The following FBXL17 variants were observed in gnomAD, a reference collection of about 807,000 sequenced individuals.
FBXL17 encodes F-box and leucine rich repeat protein 17.
In FBXL17, 22 loss-of-function variants were observed where a neutral mutation model predicts 66.2. The ratio of observed to expected loss-of-function variants is 0.33; its 90% CI spans 0.24 to 0.47. The LOEUF (loss-of-function observed/expected upper bound fraction) is 0.47. Ranked by LOEUF, FBXL17 falls within the 20% of genes least tolerant of loss-of-function variation. The pLI is 1.00. For missense variants in FBXL17, 878 were observed against 948.2 expected, an observed-to-expected ratio of 0.93 and a Z score of 0.97; for synonymous variants, 474 against 400.5, an observed-to-expected ratio of 1.18 and a Z score of -2.19.
rs552075831 is a variant in FBXL17, at chr5:108,112,093, T to C, written c.1745+74024A>G. On this transcript the variant is annotated intron_variant, in intron 6 of 8. Coordinates refer to ENST00000542267, the MANE Select transcript of FBXL17 (RefSeq NM_001163315.3). ...TGGCTTAGGAGACAGAGTTTAGGGC[T>C]CTAGGACACCAAGGTGACCAGAATA... Among the ~76,000 whole-genome samples, 7 of 152,244 alleles carry C rather than the reference T, an allele frequency of 4.6e-5. No individual in the cohort carries two copies. The East Asian group carries it at 7.7e-4, about 17-fold the overall frequency.
Position 108,381,973 on chromosome 5 carries a change from G to T in FBXL17, c.-282C>A, listed in dbSNP as rs1561572966. The T allele has an allele frequency of 8.2e-7, 1 of 1,221,592 alleles. No homozygotes were observed. Among genetic ancestry groups the T allele is most frequent in the African/African-American group, 1.6e-5 (1 of 63,776 alleles). The allele number at this position is 1,221,592 out of a possible 1,614,324, so 75.7% of individuals were successfully genotyped here. ...AGGGAGGGAGCGAGCGAGCCTGCCG[G>T]CTAGGCGACCAGTCCGGGCCCGGCC... On this transcript the variant is annotated 5_prime_UTR_variant, in exon 1 of 9. Transcript: ENST00000542267.
chr5:108,084,344 G>T (rs527248266), intron 6 of FBXL17, among the ~76,000 whole-genome samples: 35 of 152,312 alleles, frequency 2.3e-4, no homozygotes, highest in African/African-American at 5.3e-4. Context: ...CTTGGCAAAA[G>T]GAAGCAAACT....
chr5:108,344,364 A>C (rs1747106933), intron 4 of FBXL17, among the ~76,000 whole-genome samples: 1 of 152,342 alleles, frequency 6.6e-6, no homozygotes, highest in African/African-American at 2.4e-5. Context: ...ATTAACTTTC[A>C]GGAAATCAAC....
chr5:108,199,757 A>C (rs996425067), intron 5 of FBXL17, among the ~76,000 whole-genome samples: 1 of 152,222 alleles, frequency 6.6e-6, no homozygotes, highest in Admixed American at 6.6e-5. Flanking sequence ...TTCATGAAAG[A>C]AACGCAGAAT....
At chr5:108,261,515 C>A (rs1376614306) in intron 4 of FBXL17, among the ~76,000 whole-genome samples, 1 of 151,710 alleles carries the variant, frequency 6.6e-6, no homozygotes, top group Admixed American at 6.6e-5. Context: ...TTGAAGAAAA[C>A]AATTTTGACT....
chr5:107,952,314 G>A (rs2112609940), intron 7 of FBXL17, among the ~76,000 whole-genome samples: 1 of 152,200 alleles, frequency 6.6e-6, no homozygotes, highest in Non-Finnish European at 1.5e-5. Context: ...TAATAGTCTT[G>A]AAATTAAAGT....
At chr5:107,883,365 A>G (rs1748856542) in intron 7 of FBXL17, among the ~76,000 whole-genome samples, 1 of 152,072 alleles carries the variant, frequency 6.6e-6, no homozygotes, top group Non-Finnish European at 1.5e-5. Context: ...GGTAGTTCTG[A>G]TAGGCCATGC....
intron 7 of FBXL17, among the ~76,000 whole-genome samples, chr5:108,011,185 G>A (rs905771369): frequency 6.6e-6 from 1 of 152,212 alleles, no homozygotes; most frequent in African/African-American, 2.4e-5. Context: ...CATGTGTTAT[G>A]TGTCTAACAT....
intron 1 of FBXL17, among the ~76,000 whole-genome samples, chr5:108,371,303 C>T (rs1749023567): frequency 2.0e-5 from 3 of 152,194 alleles, no homozygotes; most frequent in African/African-American, 7.2e-5. Context: ...ATTCCCACTA[C>T]TGTTTCTTAA....
rs78366278 is a variant in FBXL17, at chr5:108,153,259, C to T, written c.1745+32858G>A. Among the ~76,000 whole-genome samples the T allele has an allele frequency of 2.0e-4, 31 of 152,230 alleles. No individual in the cohort carries two copies. In the East Asian group the frequency reaches 4.4e-3, roughly 22 times the overall value. On this transcript the variant is annotated intron_variant, in intron 6 of 8. Coordinates refer to ENST00000542267, the MANE Select transcript of FBXL17 (RefSeq NM_001163315.3). ...TATATTTTATCTGGCAATCCTGATA[C>T]GGTAGCATATAAATTGAATCTTGAA...
chr5:107,966,541 A>T (rs938079225), intron 7 of FBXL17, among the ~76,000 whole-genome samples: 1 of 152,066 alleles, frequency 6.6e-6, no homozygotes, highest in Non-Finnish European at 1.5e-5. Flanking sequence ...CACCTTCACT[A>T]CCTGGCTCCC....
At chr5:107,986,769 G>C (rs994419593) in intron 7 of FBXL17, among the ~76,000 whole-genome samples, 1 of 151,910 alleles carries the variant, frequency 6.6e-6, no homozygotes, top group Non-Finnish European at 1.5e-5. Flanking sequence ...ACATACAACT[G>C]TACAACCCTA....
intron 4 of FBXL17, among the ~76,000 whole-genome samples, chr5:108,308,371 T>TTTATA (rs1237774396): frequency 6.6e-6 from 1 of 152,054 alleles, no homozygotes; most frequent in African/African-American, 2.4e-5. Context: ...ATATTCCCAT[T>TTTATA]TTATAGATTA....
chr5:108,364,387 A>G (rs917196427), intron 3 of FBXL17, among the ~76,000 whole-genome samples: 1 of 152,018 alleles, frequency 6.6e-6, no homozygotes, highest in Non-Finnish European at 1.5e-5. Flanking sequence ...TATGTCATCT[A>G]GTATAATAAA....
chr5:107,993,271 A>G (rs1387231934), intron 7 of FBXL17, among the ~76,000 whole-genome samples: 1 of 152,070 alleles, frequency 6.6e-6, no homozygotes, highest in Non-Finnish European at 1.5e-5. Context: ...TAATGCTTTT[A>G]TAAGCCTGCA....
At chr5:108,072,895 T>G (rs1409541671) in intron 6 of FBXL17, among the ~76,000 whole-genome samples, 1 of 152,158 alleles carries the variant, frequency 6.6e-6, no homozygotes, top group Non-Finnish European at 1.5e-5. Flanking sequence ...TGTCCTATAG[T>G]TACACAAATA....
intron 5 of FBXL17, among the ~76,000 whole-genome samples, chr5:108,207,027 T>C (rs1016512900): frequency 2.6e-5 from 4 of 152,192 alleles, no homozygotes; most frequent in Non-Finnish European, 5.9e-5. Flanking sequence ...CTGGACCACA[T>C]ACCTATGATA....
At chr5:108,158,505 G>GTC (rs1420469863) in intron 6 of FBXL17, among the ~76,000 whole-genome samples, 3 of 93,778 alleles carry the variant, frequency 3.2e-5, no homozygotes, top group East Asian at 5.3e-4. Context: ...GTGTGTGTGT[G>GTC]TGTCTGTGTG....
At chr5:108,188,523 T>G (rs181225135) in intron 5 of FBXL17, among the ~76,000 whole-genome samples, 1 of 152,158 alleles carries the variant, frequency 6.6e-6, no homozygotes, top group Non-Finnish European at 1.5e-5. Flanking sequence ...AGAAATGGGT[T>G]CTTACAAAGT....
Sources: gnomAD v4.1 joint callset for allele counts (sites outside exome capture counted in the v4.1 genomes callset) on GRCh38, gnomAD v4.1.1 for gene constraint, MANE v1.5 for transcripts, NCBI Gene and HGNC (gene_info 2026-07-23, HGNC 2026-07-21) for gene names.